LVRN: variants seen among roughly 807,000 people sequenced by gnomAD.
LVRN encodes laeverin, also known as aminopeptidase Q.
In LVRN, 99 loss-of-function variants were observed where a neutral mutation model predicts 111.4. The observed-to-expected ratio is 0.89, with a 90% CI of 0.76 to 1.05. The LOEUF is 1.05. Ranked by LOEUF, LVRN falls within the 50% of genes least tolerant of loss-of-function variation. LVRN has a pLI of 0.00. For missense variants in LVRN, 1,414 were observed against 1,206.8 expected (o/e 1.17, Z -2.54); for synonymous variants, 488 against 449.5 (o/e 1.09, Z -1.08).
intron 1 of LVRN, among the ~76,000 whole-genome samples, chr5:115,970,688 A>G (rs1753306766): frequency 7.5e-6 from 1 of 133,452 alleles, no homozygotes; most frequent in Admixed American, 8.2e-5. Flanking sequence ...CCCATCTGAA[A>G]TACATGCTTT....
intron 10 of LVRN, 63 bp from the exon 11 acceptor site, chr5:116,002,772 T>C: frequency 8.4e-7 from 1 of 1,192,620 alleles, no homozygotes. Context: ...TCTTTAATAG[T>C]GGCTCAGAGT....
At chr5:116,003,160 A>T in intron 11 of LVRN, 81 bp from the exon 12 acceptor site, 1 of 1,287,792 alleles carries the variant, frequency 7.8e-7, no homozygotes, top group Non-Finnish European at 1.1e-6. Flanking sequence ...TTTATTGTTT[A>T]GAATCGAGTG....
rs1307734553 is a variant in LVRN, at chr5:116,022,429, T to C, written c.2795T>C (p.Ile932Thr). 5.8e-6 allele frequency: 9 copies of C among 1,564,732 alleles called. No individual in the cohort carries two copies. The highest frequency in any genetic ancestry group is 1.4e-5 in the African/African-American group (1 of 72,666). The change falls in exon 19 of 20, where the codon ATA (isoleucine) becomes ACA (threonine). Residue 932 changes from isoleucine to threonine, a missense_variant. By Grantham distance (89) the Ile-to-Thr change is moderately conservative. Transcript: ENST00000357872. ...TCATTGATTAATCTAATATATACAA[T>C]AGGGAGAACCGTAACTACAGATTTA... ...TQSLINLIYT[I>T]GRTVTTDLQI... is the part of the protein sequence containing the mutation.
chr5:115,976,168 T>TA (rs1269260898), intron 1 of LVRN: 1 of 152,306 alleles, frequency 6.6e-6, no homozygotes, highest in African/African-American at 2.4e-5. Context: ...GCCACCCCTA[T>TA]ATCCTTCACA....
Position 116,010,851 on chromosome 5 carries a change from T to C in LVRN, c.2204T>C (p.Leu735Pro), listed in dbSNP as rs1302233899. 6 of 1,610,998 alleles carry C rather than the reference T, an allele frequency of 3.7e-6. No individual in the cohort carries two copies. Among genetic ancestry groups the C allele is most frequent in the Non-Finnish European group, 5.1e-6 (6 of 1,178,540 alleles). The change falls in exon 14 of 20, where the codon CTT (leucine) becomes CCT (proline). Residue 735 changes from leucine (L) to proline (P), a missense_variant. Transcript: ENST00000357872. ...TVLVNLVTRD[L>P]VSEVNIYDIY... ...TTGGTAAACTTGGTAACCAGGGATC[T>C]TGTTTCTGAGGTGAACATCTATGAT...
At chr5:115,984,321 A>C (rs2112572914) in intron 2 of LVRN, among the ~76,000 whole-genome samples, 2 of 152,262 alleles carry the variant, frequency 1.3e-5, no homozygotes, top group Middle Eastern at 6.8e-3. Flanking sequence ...CTAAGTTTAT[A>C]GTGCTCGTGG....
At chr5:115,966,892 A>T (rs766676318) in intron 1 of LVRN, among the ~76,000 whole-genome samples, 36 of 152,304 alleles carry the variant, frequency 2.4e-4, no homozygotes, top group Non-Finnish European at 4.9e-4. Context: ...GTCTCCAATG[A>T]CTAATGATGT....
chr5:116,025,977 G>A lies in LVRN; in HGVS notation c.2833-1G>A. The stretch of plus-strand genomic sequence containing the variant: ...GATCATCTGTCTCTCTGTCCTTCCA[G>A]CTGCAGCAGTTTTTCAGTAACATGT... On this transcript the variant is annotated splice_acceptor_variant, in intron 19 of 19. Transcript: ENST00000357872. LOFTEE classifies it high-confidence loss of function. 2 of 1,613,626 alleles carry A rather than the reference G, an allele frequency of 1.2e-6. No homozygotes were observed. The highest frequency in any genetic ancestry group is 1.7e-6 in the Non-Finnish European group (2 of 1,179,768).
intron 1 of LVRN, among the ~76,000 whole-genome samples, chr5:115,971,667 A>G (rs1753330888): frequency 6.6e-6 from 1 of 152,130 alleles, no homozygotes; most frequent in Middle Eastern, 3.4e-3. Context: ...AGTCTGTTCT[A>G]TTGATCCATT....
intron 3 of LVRN, among the ~76,000 whole-genome samples, chr5:115,985,013 T>C (rs1747824872): frequency 6.6e-6 from 1 of 152,188 alleles, no homozygotes; most frequent in African/African-American, 2.4e-5. Context: ...TGGGGAGCAC[T>C]GCTGCACTGG....
intron 1 of LVRN, among the ~76,000 whole-genome samples, chr5:115,968,335 A>T (rs914340546): frequency 6.6e-6 from 1 of 152,190 alleles, no homozygotes; most frequent in Non-Finnish European, 1.5e-5. Context: ...TTTTCTGCAT[A>T]AATTGATATA....
chr5:116,000,381 G>A (rs1314781694), intron 7 of LVRN, 52 bp from the exon 8 acceptor site: 71 of 1,579,196 alleles, frequency 4.5e-5, no homozygotes, highest in Non-Finnish European at 6.0e-5. Flanking sequence ...GAATGTGTCA[G>A]TATGTGGATA....
intron 10 of LVRN, among the ~76,000 whole-genome samples, chr5:116,001,899 G>A (rs1748246462): frequency 6.6e-6 from 1 of 152,296 alleles, no homozygotes; most frequent in Admixed American, 6.5e-5. Flanking sequence ...AAAGTGAAAT[G>A]AGTATAAAAT....
intron 5 of LVRN, among the ~76,000 whole-genome samples, 195 bp downstream of exon 5, chr5:115,992,472 G>A (rs1377151919): frequency 1.3e-5 from 2 of 152,188 alleles, no homozygotes; most frequent in East Asian, 1.9e-4. Flanking sequence ...ACAGATCATA[G>A]GGAGGAGACC....
At chr5:115,973,942 G>A (rs1226472072) in intron 1 of LVRN, among the ~76,000 whole-genome samples, 5 of 151,934 alleles carry the variant, frequency 3.3e-5, no homozygotes, top group Admixed American at 3.3e-4. Flanking sequence ...TGGTAAATAT[G>A]GACTTTTTAT....
chr5:116,003,391 T>C lies in LVRN; in HGVS notation c.2037+11T>C, dbSNP rs780971810. On this transcript the variant is annotated intron_variant, in intron 12 of 19. Coordinates refer to ENST00000357872, the MANE Select transcript of LVRN (RefSeq NM_173800.5). ...GAAAAGGATCCTAAGGTAAGGTTAC[T>C]TTTGATACTTTTAATTAAATATAAT... is the stretch of plus-strand genomic sequence containing the variant. 1.8e-5 allele frequency: 25 copies of C among 1,355,038 alleles called. No homozygotes were observed. In the South Asian group the frequency reaches 1.9e-4, roughly 10 times the overall value. The allele number at this position is 1,355,038 out of a possible 1,614,324, so 83.9% of individuals were successfully genotyped here.
intron 19 of LVRN, among the ~76,000 whole-genome samples, chr5:116,025,512 C>T (rs1748844896): frequency 6.6e-6 from 1 of 152,182 alleles, no homozygotes; most frequent in Non-Finnish European, 1.5e-5. Flanking sequence ...TGAGGTAATT[C>T]AGCCAATGTA....
intron 1 of LVRN, among the ~76,000 whole-genome samples, chr5:115,965,523 T>A (rs1437136539): frequency 6.6e-6 from 1 of 152,208 alleles, no homozygotes. Flanking sequence ...GTTTAGAAAT[T>A]TATACGTTTT....
chr5:116,014,083 C>T (rs191537479), intron 15 of LVRN, among the ~76,000 whole-genome samples: 68 of 152,174 alleles, frequency 4.5e-4, no homozygotes, highest in Non-Finnish European at 2.6e-4. Context: ...AAGGCAATTG[C>T]AGTAAAAGAC....
Sources: allele counts gnomAD v4.1 joint callset (sites outside exome capture counted in the v4.1 genomes callset), GRCh38; gene constraint gnomAD v4.1.1; transcripts MANE v1.5; gene names NCBI Gene and HGNC (gene_info 2026-07-23, HGNC 2026-07-21).